The following SHC3 variants were observed in gnomAD, a reference collection of about 807,000 sequenced individuals.
SHC3 encodes SHC-transforming protein 3.
Under a neutral mutation model 60.4 loss-of-function variants are expected in SHC3, and 15 were observed. That is an observed-to-expected ratio of 0.25 (90% CI 0.17 to 0.38). The LOEUF is 0.38. SHC3 is among the 10% of genes least tolerant of loss of function. The pLI, the probability that SHC3 is intolerant of heterozygous loss-of-function variation, is 1.00. For synonymous variants in SHC3, 294 were observed against 325.9 expected (o/e 0.90, Z 1.05); for missense variants, 677 against 786.1 (o/e 0.86, Z 1.66).
chr9:89,061,207 C>T (rs1825084120), intron 6 of SHC3, among the ~76,000 whole-genome samples: 1 of 151,994 alleles, frequency 6.6e-6, no homozygotes, highest in African/African-American at 2.4e-5. Flanking sequence ...ATTTAACCAC[C>T]TGGTTAAAAA....
Position 89,155,420 on chromosome 9 carries a change from A to G in SHC3, c.474+22567T>C, listed in dbSNP as rs1276446957. Among the ~76,000 whole-genome samples the G allele has an allele frequency of 2.0e-5, 3 of 152,156 alleles. No homozygotes were observed. In the South Asian group the frequency reaches 6.2e-4, roughly 31 times the overall value. On this transcript the variant is annotated intron_variant, in intron 1 of 11. Transcript: ENST00000375835. The stretch of plus-strand genomic sequence containing the variant: ...AGTTGTCTCTGAAGCCTGGGCAAGA[A>G]TGATGGTCTTGGGGGTCTCAGCTCC...
chr9:89,020,618 C>T (rs1462443138), intron 11 of SHC3, among the ~76,000 whole-genome samples: 2 of 152,128 alleles, frequency 1.3e-5, no homozygotes, highest in East Asian at 1.9e-4. Context: ...TCATCCTTAC[C>T]GAAGCTCTTG....
chr9:89,115,498 A>C (rs1434469646), intron 1 of SHC3, among the ~76,000 whole-genome samples: 1 of 152,184 alleles, frequency 6.6e-6, no homozygotes, highest in Non-Finnish European at 1.5e-5. Flanking sequence ...GGTTCATGTG[A>C]ATACCACTGC....
chr9:89,152,206 T>A (rs1826555041), intron 1 of SHC3, among the ~76,000 whole-genome samples: 1 of 152,188 alleles, frequency 6.6e-6, no homozygotes, highest in Non-Finnish European at 1.5e-5. Flanking sequence ...TAGTGAATTG[T>A]CACTTGTTAA....
intron 11 of SHC3, among the ~76,000 whole-genome samples, chr9:89,022,814 T>C (rs1826228008): frequency 6.6e-6 from 1 of 152,226 alleles, no homozygotes; most frequent in South Asian, 2.1e-4. Context: ...TATTTATTTA[T>C]GGATTTGTCT....
At chr9:89,045,662 C>T in intron 9 of SHC3, 84 bp downstream of exon 9, 1 of 1,272,414 alleles carries the variant, frequency 7.9e-7, no homozygotes, top group Non-Finnish European at 1.1e-6. Context: ...TGTCAGTCCA[C>T]AGAAAATAGG....
intron 2 of SHC3, among the ~76,000 whole-genome samples, chr9:89,089,609 T>C (rs1283353085): frequency 3.9e-5 from 6 of 152,116 alleles, no homozygotes; most frequent in East Asian, 3.8e-4. Context: ...TTGGGAAAAG[T>C]AAACCAAAAT....
chr9:89,012,722 G>C lies in SHC3; in HGVS notation c.*725C>G, dbSNP rs1326251696. The C allele has an allele frequency of 6.6e-6, 1 of 152,202 alleles. No individual in the cohort carries two copies. The highest frequency in any genetic ancestry group is 1.5e-5 in the Non-Finnish European group (1 of 68,038). 9.4% of individuals were successfully genotyped at this position (152,202 alleles called of 1,614,324 possible). On this transcript the variant is annotated 3_prime_UTR_variant, in exon 12 of 12. Transcript: ENST00000375835. ...ATTTTGTGCCATTTTGGCATGAAAT[G>C]AATTCCCAAGTACTCCTCGCACAAC...
At chr9:89,109,750 C>T in intron 2 of SHC3, 4 of 985,582 alleles carry the variant, frequency 4.1e-6, no homozygotes, top group Non-Finnish European at 4.8e-6. Context: ...CTCCTGCTCC[C>T]TTCTTCATCT....
intron 1 of SHC3, among the ~76,000 whole-genome samples, chr9:89,117,443 GTTAT>G (rs1055469562): frequency 6.6e-6 from 1 of 152,058 alleles, no homozygotes; most frequent in Non-Finnish European, 1.5e-5. Context: ...TTCTTTTTCT[GTTAT>G]TTGATTGTTC....
rs919340480 is a variant in SHC3, at chr9:89,068,481, T to C, written c.783+2718A>G. 4.6e-5 allele frequency among the ~76,000 whole-genome samples: 7 copies of C among 152,238 alleles called. 1 individual carries two copies. The highest frequency in any genetic ancestry group is 4.6e-4 in the Admixed American group (7 of 15,286). On this transcript the variant is annotated intron_variant, in intron 5 of 11. Transcript: ENST00000375835. The stretch of plus-strand genomic sequence containing the variant: ...TACCAATTATAATGTGCTAAATTCA[T>C]GGTTACAAATCAATTTGGAATGTAA...
chr9:89,108,265 C>A (rs1251911722), intron 2 of SHC3, among the ~76,000 whole-genome samples: 1 of 151,982 alleles, frequency 6.6e-6, no homozygotes, highest in African/African-American at 2.4e-5. Context: ...GTAATCCCAG[C>A]ACTTTGGGAG....
In SHC3 at chr9:89,078,426, T is replaced by C. The variant is rs535313846; in HGVS notation, c.546-523A>G. Among the ~76,000 whole-genome samples, 189 of 151,974 alleles carry C rather than the reference T, an allele frequency of 1.2e-3. 1 individual carries two copies. Among genetic ancestry groups the C allele is most frequent in the African/African-American group, 4.4e-3 (184 of 41,420 alleles). ...GTGAATCTTACAAAATCAAGAGGGG[T>C]TGGAAGGAGAAGAGGAACTGCAGGG... On this transcript the variant is annotated intron_variant, in intron 2 of 11. Coordinates refer to ENST00000375835, the MANE Select transcript of SHC3 (RefSeq NM_016848.6).
At chr9:89,107,980 T>TATA (rs1282326905) in intron 2 of SHC3, among the ~76,000 whole-genome samples, 2 of 152,216 alleles carry the variant, frequency 1.3e-5, no homozygotes, top group African/African-American at 2.4e-5. Flanking sequence ...GTCCCATGAG[T>TATA]ATAATAGTGT....
intron 1 of SHC3, among the ~76,000 whole-genome samples, chr9:89,145,287 T>G (rs976371299): frequency 9.2e-5 from 14 of 152,224 alleles, no homozygotes; most frequent in African/African-American, 3.1e-4. Flanking sequence ...CAGAGAGCAC[T>G]AAGAGACCGA....
intron 1 of SHC3, among the ~76,000 whole-genome samples, chr9:89,162,297 C>T (rs1401561353): frequency 6.6e-6 from 1 of 151,710 alleles, no homozygotes; most frequent in African/African-American, 2.4e-5. Context: ...CAATCCTCAG[C>T]CAAAAGAACA....
chr9:89,042,409 G>A (rs1824702680), intron 9 of SHC3, among the ~76,000 whole-genome samples: 1 of 152,114 alleles, frequency 6.6e-6, no homozygotes, highest in Non-Finnish European at 1.5e-5. Context: ...CCAATGTCAG[G>A]GTGGACACCT....
chr9:89,116,654 A>T (rs1181675727), intron 1 of SHC3, among the ~76,000 whole-genome samples: 1 of 152,226 alleles, frequency 6.6e-6, no homozygotes, highest in Non-Finnish European at 1.5e-5. Context: ...ATGACCTCCC[A>T]TGTCACAGCT....
At chr9:89,111,005 C>T (rs1308205177) in intron 2 of SHC3, among the ~76,000 whole-genome samples, 4 of 152,170 alleles carry the variant, frequency 2.6e-5, no homozygotes, top group Admixed American at 2.0e-4. Context: ...CCACCACTAC[C>T]CCAAGGAGCA....
Sources: gnomAD v4.1 joint callset for allele counts (sites outside exome capture counted in the v4.1 genomes callset) on GRCh38, gnomAD v4.1.1 for gene constraint, MANE v1.5 for transcripts, NCBI Gene and HGNC (gene_info 2026-07-23, HGNC 2026-07-21) for gene names.